Variants in KIAA1549L observed in about 807,000 individuals in gnomAD.
KIAA1549L encodes KIAA1549 like.
A neutral mutation model predicts 160.7 loss-of-function variants in KIAA1549L; 88 were observed. The ratio of observed to expected loss-of-function variants is 0.55; its 90% CI spans 0.46 to 0.65. The LOEUF is 0.65. Among genes scored for constraint, KIAA1549L ranks in the 30% least tolerant of loss-of-function variants. The pLI is 0.00. For missense variants in KIAA1549L, 2,258 were observed against 2,437.5 expected (o/e 0.93, Z 1.55); for synonymous variants, 950 against 976.7 (o/e 0.97, Z 0.51).
At chr11:33,491,748 G>A (rs2756281) in intron 1 of KIAA1549L, among the ~76,000 whole-genome samples, 106,363 of 152,078 alleles carry the variant, frequency 0.7, 37,821 homozygotes, top group African/African-American at 0.83. Flanking sequence ...CTTTGTAAAG[G>A]CATCCCTGAC....
chr11:33,629,042 C>T (rs554746254), intron 16 of KIAA1549L, among the ~76,000 whole-genome samples: 1,677 of 145,546 alleles, frequency 0.012, 18 homozygotes, highest in Non-Finnish European at 0.015. Context: ...CCTTCACTTA[C>T]GAAGCTTAGT....
At chr11:33,624,915 C>T (rs866896808) in intron 16 of KIAA1549L, among the ~76,000 whole-genome samples, 109 of 123,358 alleles carry the variant, frequency 8.8e-4, no homozygotes, top group African/African-American at 2.8e-3. Context: ...CCCCTCCCCC[C>T]ACCCCACAAC....
intron 1 of KIAA1549L, among the ~76,000 whole-genome samples, chr11:33,523,773 C>A (rs1447192242): frequency 6.6e-6 from 1 of 152,130 alleles, no homozygotes; most frequent in South Asian, 2.1e-4. Context: ...TATTAATTGA[C>A]AATTTATGTG....
At chr11:33,390,605 C>A (rs1203727607) in intron 1 of KIAA1549L, among the ~76,000 whole-genome samples, 1 of 152,210 alleles carries the variant, frequency 6.6e-6, no homozygotes. Flanking sequence ...AGAAGGGGCA[C>A]ATGGTATAAA....
intron 16 of KIAA1549L, among the ~76,000 whole-genome samples, chr11:33,636,844 T>A (rs1310276751): frequency 6.6e-6 from 1 of 152,102 alleles, no homozygotes; most frequent in Non-Finnish European, 1.5e-5. Context: ...TCCCTGAGGA[T>A]AAGGGAGACT....
intron 16 of KIAA1549L, among the ~76,000 whole-genome samples, chr11:33,635,383 C>T (rs1851411021): frequency 6.6e-6 from 1 of 152,184 alleles, no homozygotes; most frequent in South Asian, 2.1e-4. Flanking sequence ...GTCTCTGGGC[C>T]CTTGCCACGA....
chr11:33,429,250 G>A (rs946631841), intron 1 of KIAA1549L, among the ~76,000 whole-genome samples: 6 of 152,208 alleles, frequency 3.9e-5, no homozygotes, highest in African/African-American at 1.2e-4. Context: ...GGGATTATGG[G>A]TGTGAGCCAC....
At chr11:33,540,091 A>G (rs1488646633) in intron 1 of KIAA1549L, among the ~76,000 whole-genome samples, 1 of 152,180 alleles carries the variant, frequency 6.6e-6, no homozygotes, top group Admixed American at 6.5e-5. Context: ...GGCCGTGGTC[A>G]TTCAGTCAGT....
intron 1 of KIAA1549L, among the ~76,000 whole-genome samples, chr11:33,420,231 T>G (rs986851611): frequency 2.7e-5 from 2 of 75,070 alleles, no homozygotes; most frequent in South Asian, 8.3e-4. Context: ...AAAGTTTTTT[T>G]TTTGTTTTTT....
intron 1 of KIAA1549L, among the ~76,000 whole-genome samples, chr11:33,470,794 CTT>C (rs1439538752): frequency 1.3e-5 from 2 of 152,072 alleles, no homozygotes; most frequent in Non-Finnish European, 2.9e-5. Context: ...AGTTTTCTGA[CTT>C]TTTTCTTCTT....
chr11:33,633,421 C>T lies in KIAA1549L; in HGVS notation c.5410-12265C>T, dbSNP rs1851355789. 2.0e-5 allele frequency among the ~76,000 whole-genome samples: 3 copies of T among 152,106 alleles called. No homozygotes were observed. In the South Asian group the frequency reaches 6.2e-4, roughly 32 times the overall value. ...TACAGTCAGAGGTTCATGTTTTAGACACAGATAGAGTGACAGAGGGATTTT... is the reference window on the plus strand; with the variant it reads ...TACAGTCAGAGGTTCATGTTTTAGATACAGATAGAGTGACAGAGGGATTTT... On this transcript the variant is annotated intron_variant, in intron 16 of 20. Coordinates refer to ENST00000658780, the MANE Select transcript of KIAA1549L (RefSeq NM_012194.3).
At chr11:33,540,137 C>T (rs979631316) in intron 1 of KIAA1549L, among the ~76,000 whole-genome samples, 6 of 152,178 alleles carry the variant, frequency 3.9e-5, no homozygotes, top group Non-Finnish European at 8.8e-5. Flanking sequence ...ATTCCTCCAT[C>T]CTGTTTGCAG....
chr11:33,595,462 C>G (rs968022722), intron 12 of KIAA1549L, among the ~76,000 whole-genome samples: 1 of 152,202 alleles, frequency 6.6e-6, no homozygotes, highest in South Asian at 2.1e-4. Flanking sequence ...CTCCTGACCT[C>G]AAGTGATCTG....
At chr11:33,521,647 C>T (rs1016006488) in intron 1 of KIAA1549L, among the ~76,000 whole-genome samples, 4 of 152,152 alleles carry the variant, frequency 2.6e-5, no homozygotes, top group Non-Finnish European at 4.4e-5. Context: ...GGCAGACACA[C>T]GTGGCATCTC....
intron 1 of KIAA1549L, among the ~76,000 whole-genome samples, chr11:33,502,603 C>T (rs1423402033): frequency 2.0e-5 from 3 of 152,152 alleles, no homozygotes; most frequent in African/African-American, 7.2e-5. Context: ...ACTGATATCT[C>T]CCACTTTAAG....
At chr11:33,474,404 G>T (rs372990776) in intron 1 of KIAA1549L, among the ~76,000 whole-genome samples, 1 of 152,122 alleles carries the variant, frequency 6.6e-6, no homozygotes, top group Non-Finnish European at 1.5e-5. Flanking sequence ...TCCCTTGCTC[G>T]TTGCTCTTCT....
intron 3 of KIAA1549L, among the ~76,000 whole-genome samples, chr11:33,545,651 C>T (rs1043714109): frequency 6.6e-6 from 1 of 152,158 alleles, no homozygotes; most frequent in African/African-American, 2.4e-5. Context: ...CTAAAACATC[C>T]ATAGGGCCAA....
intron 1 of KIAA1549L, among the ~76,000 whole-genome samples, chr11:33,395,003 G>C (rs1335425481): frequency 6.6e-6 from 1 of 152,238 alleles, no homozygotes; most frequent in Admixed American, 6.5e-5. Context: ...TAATCTTAGA[G>C]TGGTCCCAGA....
intron 16 of KIAA1549L, among the ~76,000 whole-genome samples, chr11:33,631,277 C>T (rs7121697): frequency 0.098 from 14,512 of 148,656 alleles, 2,203 homozygotes; most frequent in African/African-American, 0.35. Flanking sequence ...TTCTAGCTGA[C>T]GCGTGTTACT....
Sources: allele counts gnomAD v4.1 joint callset (sites outside exome capture counted in the v4.1 genomes callset), GRCh38; gene constraint gnomAD v4.1.1; transcripts MANE v1.5; gene names NCBI Gene and HGNC (gene_info 2026-07-23, HGNC 2026-07-21).